KYNU: variants seen among roughly 807,000 people sequenced by gnomAD.
KYNU encodes kynureninase.
A neutral mutation model predicts 59.2 loss-of-function variants in KYNU; 54 were observed. The observed-to-expected ratio is 0.91, with a 90% CI of 0.73 to 1.14. The LOEUF is 1.14. Ranked by LOEUF, KYNU falls within the 50% of genes most tolerant of loss-of-function variation. KYNU has a pLI of 0.00. For synonymous variants in KYNU, 177 were observed against 192.0 expected, an observed-to-expected ratio of 0.92 and a Z score of 0.65; for missense variants, 567 against 554.4, an observed-to-expected ratio of 1.02 and a Z score of -0.23.
intron 4 of KYNU, among the ~76,000 whole-genome samples, chr2:142,936,471 A>G (rs907474520): frequency 2.0e-5 from 3 of 152,132 alleles, no homozygotes; most frequent in African/African-American, 7.2e-5. Flanking sequence ...ATTTCCCATA[A>G]CGGAGGGTAG....
intron 10 of KYNU, among the ~76,000 whole-genome samples, chr2:142,997,407 T>G (rs1346733864): frequency 6.6e-6 from 1 of 152,192 alleles, no homozygotes; most frequent in Non-Finnish European, 1.5e-5. Context: ...TAAACAATCA[T>G]GCTGTACCCA....
At chr2:143,006,388 C>A (rs1573892646) in intron 10 of KYNU, among the ~76,000 whole-genome samples, 1 of 151,966 alleles carries the variant, frequency 6.6e-6, no homozygotes, top group Admixed American at 6.5e-5. Flanking sequence ...TATCCCACAC[C>A]TGGCTCGGAG....
intron 2 of KYNU, among the ~76,000 whole-genome samples, chr2:142,888,596 C>G (rs542801005): frequency 7.9e-5 from 12 of 152,000 alleles, no homozygotes; most frequent in African/African-American, 2.9e-4. Context: ...ATTAAAAATA[C>G]AAGTTCTTGT....
At chr2:142,912,985 A>G (rs1026936155) in intron 2 of KYNU, among the ~76,000 whole-genome samples, 2 of 152,102 alleles carry the variant, frequency 1.3e-5, no homozygotes, top group Non-Finnish European at 2.9e-5. Context: ...TGCTGGGATT[A>G]CAGGCTGGAG....
intron 1 of KYNU, among the ~76,000 whole-genome samples, chr2:142,878,243 T>C (rs895049728): frequency 6.6e-6 from 1 of 152,208 alleles, no homozygotes; most frequent in African/African-American, 2.4e-5. Flanking sequence ...AGAAAGTTGA[T>C]ACACTTTTTA....
chr2:143,016,492 T>G (rs948363353), intron 10 of KYNU, among the ~76,000 whole-genome samples: 2 of 152,208 alleles, frequency 1.3e-5, no homozygotes, highest in Non-Finnish European at 2.9e-5. Context: ...TCTAAATCAA[T>G]TCTTAATAAT....
intron 10 of KYNU, among the ~76,000 whole-genome samples, chr2:143,025,070 C>G (rs1204130442): frequency 6.6e-6 from 1 of 151,610 alleles, no homozygotes; most frequent in Non-Finnish European, 1.5e-5. Flanking sequence ...CTAGTTCTTT[C>G]CTGATTTCTG....
intron 1 of KYNU, among the ~76,000 whole-genome samples, chr2:142,881,795 T>A (rs149630243): frequency 6.6e-6 from 1 of 152,186 alleles, no homozygotes; most frequent in East Asian, 1.9e-4. Flanking sequence ...CAGGATGGAG[T>A]GCAGTGGCAC....
Position 143,048,468 on chromosome 2 carries a change from CTCTCTCTCTCTG to C in KYNU, c.*6308_*6319del, listed in dbSNP as rs1190386958. 7.1e-4 allele frequency: 108 copies of C among 152,066 alleles called. No homozygotes were observed. The highest frequency in any genetic ancestry group is 1.3e-3 in the Admixed American group (20 of 15,252). The allele number at this position is 152,066 out of a possible 1,614,324, so 9.4% of individuals were successfully genotyped here. A position where few individuals can be genotyped will look rare whatever the true frequency, so the allele number is the denominator to read the frequency against. On this transcript the variant is annotated 3_prime_UTR_variant, in exon 14 of 14. Transcript: ENST00000264170. ...CTAGCTTCCTCCCTCCTCTTTCTCT[CTCTCTCTCTCTG>C]TCTCTCTCTCTCTCACTAATGTTTG...
At chr2:142,909,014 C>A (rs1272891740) in intron 2 of KYNU, among the ~76,000 whole-genome samples, 2 of 152,122 alleles carry the variant, frequency 1.3e-5, no homozygotes, top group African/African-American at 4.8e-5. Flanking sequence ...AGTAACATAT[C>A]AATATATGTA....
chr2:143,033,173 A>G (rs760300065), intron 11 of KYNU, 63 bp from the exon 12 acceptor site: 5 of 1,087,552 alleles, frequency 4.6e-6, no homozygotes, highest in South Asian at 1.2e-5. Context: ...CCAGTACTCT[A>G]GTATCTTTAT....
chr2:143,033,174 G>C, intron 11 of KYNU, 62 bp from the exon 12 acceptor site: 1 of 1,130,374 alleles, frequency 8.8e-7, no homozygotes, highest in Non-Finnish European at 1.4e-6. Context: ...CAGTACTCTA[G>C]TATCTTTATG....
chr2:142,885,967 GAA>G (rs1681495312), intron 2 of KYNU, among the ~76,000 whole-genome samples: 1 of 152,112 alleles, frequency 6.6e-6, no homozygotes, highest in Non-Finnish European at 1.5e-5. Flanking sequence ...GGATATATTA[GAA>G]GAGATGTTAT....
chr2:142,903,354 C>T (rs1194562895), intron 2 of KYNU, among the ~76,000 whole-genome samples: 2 of 152,020 alleles, frequency 1.3e-5, no homozygotes, highest in African/African-American at 4.8e-5. Context: ...GGACAACAAA[C>T]GGGTGTTCCT....
Position 143,047,696 on chromosome 2 carries a change from G to A in KYNU, c.*5524G>A, listed in dbSNP as rs1232779179. On this transcript the variant is annotated 3_prime_UTR_variant, in exon 14 of 14. Coordinates refer to ENST00000264170, the MANE Select transcript of KYNU (RefSeq NM_003937.3). ...CGTTTCCCAAGCAGCTGGGACTACA[G>A]GCACATGCCACGATGCCAAGCTAAT... 1 of 151,980 alleles carries A rather than the reference G, an allele frequency of 6.6e-6. No individual in the cohort carries two copies. Among genetic ancestry groups the A allele is most frequent in the Non-Finnish European group, 1.5e-5 (1 of 68,148 alleles). The allele number at this position is 151,980 out of a possible 1,614,324, so 9.4% of individuals were successfully genotyped here. A position where few individuals can be genotyped will look rare whatever the true frequency, so the allele number is the denominator to read the frequency against.
intron 12 of KYNU, among the ~76,000 whole-genome samples, chr2:143,033,970 C>G (rs1362133912): frequency 6.6e-6 from 1 of 151,848 alleles, no homozygotes; most frequent in Non-Finnish European, 1.5e-5. Context: ...CAATATTTTC[C>G]TTTAAATTAA....
At position 142,985,140 on chromosome 2, in the gene KYNU, A is replaced by C; in HGVS notation, c.786A>C (p.Leu262Phe). 2 of 1,611,482 alleles carry C rather than the reference A, an allele frequency of 1.2e-6. No individual in the cohort carries two copies. The highest frequency in any genetic ancestry group is 1.7e-6 in the Non-Finnish European group (2 of 1,178,056). The change falls in exon 9 of 14, where the codon TTA (leucine) becomes TTC (phenylalanine). Residue 262 changes from leucine (L) to phenylalanine (F), a missense_variant. Leu to Phe is a conservative substitution (Grantham distance 22). Coordinates refer to ENST00000264170, the MANE Select transcript of KYNU (RefSeq NM_003937.3). ...AHAVGNVELY[L>F]HDWGVDFACW... ...CAGTTGGAAATGTTGAACTCTACTTACATGACTGGGGAGTTGATTTTGCCT... is the reference window on the plus strand; with the variant it reads ...CAGTTGGAAATGTTGAACTCTACTTCCATGACTGGGGAGTTGATTTTGCCT...
intron 8 of KYNU, among the ~76,000 whole-genome samples, chr2:142,968,705 G>A (rs1684621660): frequency 6.6e-6 from 1 of 152,098 alleles, no homozygotes; most frequent in African/African-American, 2.4e-5. Flanking sequence ...CGTGAGCCTA[G>A]GAGTTCGAGA....
At chr2:142,981,852 G>A (rs916425824) in intron 8 of KYNU, among the ~76,000 whole-genome samples, 13 of 151,954 alleles carry the variant, frequency 8.6e-5, no homozygotes, top group African/African-American at 2.2e-4. Flanking sequence ...ACATCTTTCC[G>A]TAAAGAACCA....
Sources: allele counts gnomAD v4.1 joint callset (sites outside exome capture counted in the v4.1 genomes callset), GRCh38; gene constraint gnomAD v4.1.1; transcripts MANE v1.5; gene names NCBI Gene and HGNC (gene_info 2026-07-23, HGNC 2026-07-21).